Variants in SBNO1 observed in about 807,000 individuals in gnomAD.
SBNO1 encodes protein strawberry notch homolog 1.
Under a neutral mutation model 173.6 loss-of-function variants are expected in SBNO1, and 23 were observed. That is an observed-to-expected ratio of 0.13 (90% CI 0.10 to 0.19). The LOEUF (loss-of-function observed/expected upper bound fraction) is 0.19. Ranked by LOEUF, SBNO1 falls within the 10% of genes least tolerant of loss-of-function variation. The pLI is 1.00. For synonymous variants in SBNO1, 632 were observed against 571.5 expected (o/e 1.11, Z -1.51); for missense variants, 1,238 against 1,671.2 (o/e 0.74, Z 4.52).
intron 2 of SBNO1, among the ~76,000 whole-genome samples, chr12:123,348,741 G>A (rs1310232745): frequency 6.6e-6 from 1 of 152,034 alleles, no homozygotes; most frequent in Non-Finnish European, 1.5e-5. Context: ...ACTCTGGACT[G>A]GGTGACAGAG....
chr12:123,304,795 G>C, intron 28 of SBNO1, 76 bp from the exon 29 acceptor site: 2 of 988,028 alleles, frequency 2.0e-6, no homozygotes, highest in Non-Finnish European at 3.1e-6. Flanking sequence ...CATCACGTCA[G>C]CAAACATAAT....
Position 123,298,183 on chromosome 12 carries a change from G to A in SBNO1, c.3846-12C>T. The A allele has an allele frequency of 6.2e-7, 1 of 1,609,960 alleles. No individual in the cohort carries two copies. The highest frequency in any genetic ancestry group is 8.5e-7 in the Non-Finnish European group (1 of 1,178,980). On this transcript the variant is annotated splice_polypyrimidine_tract_variant and intron_variant, in intron 30 of 31. Coordinates refer to ENST00000602398, the MANE Select transcript of SBNO1 (RefSeq NM_001167856.3). ...TGCAATTGCCGCGCCTAAGAAAAAT[G>A]GGAAAGAAATACATATGAGTGTCTA...
In SBNO1 at chr12:123,292,097, G is replaced by A. The variant is rs1257138370; in HGVS notation, c.*3811C>T. Reference sequence around the variant, plus strand: ...ACGCTTGCTACGTTTCTGCAGCAAAGTGGGCCGAGCGCAGTACGCACAGGT... The same window carrying A: ...ACGCTTGCTACGTTTCTGCAGCAAAATGGGCCGAGCGCAGTACGCACAGGT... On this transcript the variant is annotated 3_prime_UTR_variant, in exon 32 of 32. Coordinates refer to ENST00000602398, the MANE Select transcript of SBNO1 (RefSeq NM_001167856.3). 1 of 150,824 alleles carries A rather than the reference G, an allele frequency of 6.6e-6. No homozygotes were observed. Among genetic ancestry groups the A allele is most frequent in the African/African-American group, 2.4e-5 (1 of 41,040 alleles). The allele number at this position is 150,824 out of a possible 1,614,324, so 9.3% of individuals were successfully genotyped here. A position where few individuals can be genotyped will look rare whatever the true frequency, so the allele number is the denominator to read the frequency against.
chr12:123,311,258 A>T, intron 24 of SBNO1, 129 bp from the exon 25 acceptor site: 1 of 661,122 alleles, frequency 1.5e-6, no homozygotes, highest in Non-Finnish European at 2.7e-6. Flanking sequence ...TTATATAAAC[A>T]TGGAGAAAAT....
intron 1 of SBNO1, 48 bp downstream of exon 1, chr12:123,364,653 C>T (rs1875929882): frequency 3.1e-6 from 3 of 981,458 alleles, no homozygotes; most frequent in Non-Finnish European, 3.6e-6. Context: ...GGGAGGCTGT[C>T]CGGGAGGGGG....
At chr12:123,319,357 TTATTA>T (rs1869691125) in intron 20 of SBNO1, among the ~76,000 whole-genome samples, 1 of 152,214 alleles carries the variant, frequency 6.6e-6, no homozygotes. Flanking sequence ...CACACAATAC[TTATTA>T]TATTCAATGA....
chr12:123,294,293 A>C lies in SBNO1; in HGVS notation c.*1615T>G, dbSNP rs1165884040. 6.6e-6 allele frequency: 1 copy of C among 152,238 alleles called. No homozygotes were observed. Among genetic ancestry groups the C allele is most frequent in the Non-Finnish European group, 1.5e-5 (1 of 68,054 alleles). The allele number at this position is 152,238 out of a possible 1,614,324, so 9.4% of individuals were successfully genotyped here. A position where few individuals can be genotyped will look rare whatever the true frequency, so the allele number is the denominator to read the frequency against. On this transcript the variant is annotated 3_prime_UTR_variant, in exon 32 of 32. Transcript: ENST00000602398. The stretch of plus-strand genomic sequence containing the variant: ...GCTTTCAGCCAGGTTTGTCAGTTTT[A>C]ACACACATCTCACCCAATTCTGCAA...
chr12:123,339,161 G>A (rs1428252483), intron 5 of SBNO1, among the ~76,000 whole-genome samples: 1 of 152,060 alleles, frequency 6.6e-6, no homozygotes, highest in African/African-American at 2.4e-5. Context: ...TTGTTCTCCT[G>A]GTTCCCATTC....
intron 30 of SBNO1, among the ~76,000 whole-genome samples, chr12:123,299,151 A>G (rs919828819): frequency 3.3e-5 from 5 of 152,042 alleles, no homozygotes; most frequent in African/African-American, 7.2e-5. Flanking sequence ...GGCTGATCAC[A>G]AAGTCAGGAG....
At chr12:123,315,717 T>C in intron 21 of SBNO1, 57 bp from the exon 22 acceptor site, 1 of 943,508 alleles carries the variant, frequency 1.1e-6, no homozygotes. Flanking sequence ...CAGAGAATAT[T>C]CTGAGATGTA....
chr12:123,352,820 C>T (rs551404101), intron 1 of SBNO1, among the ~76,000 whole-genome samples: 7 of 151,792 alleles, frequency 4.6e-5, no homozygotes, highest in Middle Eastern at 3.2e-3. Context: ...TTTTTGGAGA[C>T]GGAGTCTAGC....
chr12:123,325,569 C>G lies in SBNO1; in HGVS notation c.1906G>C (p.Glu636Gln). 1 of 1,612,974 alleles carries G rather than the reference C, an allele frequency of 6.2e-7. No homozygotes were observed. Among genetic ancestry groups the G allele is most frequent in the Non-Finnish European group, 8.5e-7 (1 of 1,179,026 alleles). The change falls in exon 15 of 32, where the codon GAA becomes CAA. Residue 636 changes from glutamate (E) to glutamine (Q), a missense_variant. Glu to Gln is a conservative substitution (Grantham distance 29, BLOSUM62 2). Transcript: ENST00000602398. Reference protein sequence around the residue: ...CVVIGLQSTGEARTLEALEEG... With the variant: ...CVVIGLQSTGQARTLEALEEG... ...TCCAAAGCTTCTAATGTTCTAGCTT[C>G]TCCTGTAGACTGCAGACCAATTACA... is the stretch of plus-strand genomic sequence containing the variant.
rs142383675 is a variant in SBNO1, at chr12:123,304,488, G to A, written c.3768+94C>T. 728 of 928,892 alleles carry A rather than the reference G, an allele frequency of 7.8e-4. 5 individuals are homozygous for A. In the African/African-American group the frequency reaches 0.01, roughly 13 times the overall value. The allele number at this position is 928,892 out of a possible 1,614,324, so 57.5% of individuals were successfully genotyped here. On this transcript the variant is annotated intron_variant, in intron 29 of 31. Transcript: ENST00000602398. ...TGACCTCAGGTGATCTGCCCACCTC[G>A]GCCTCCCAAAGTGCTGAGATTACAG...
chr12:123,343,682 T>A (rs10846522), intron 4 of SBNO1, among the ~76,000 whole-genome samples: 9,472 of 151,984 alleles, frequency 0.062, 327 homozygotes, highest in South Asian at 0.11. Flanking sequence ...GAATTACAGG[T>A]GCCCATCATC....
At chr12:123,321,470 T>G (rs1869970002) in intron 17 of SBNO1, 65 bp downstream of exon 17, 1 of 1,167,052 alleles carries the variant, frequency 8.6e-7, no homozygotes, top group Admixed American at 1.8e-5. Flanking sequence ...AAAGGTTTCA[T>G]ATCCCATTTT....
chr12:123,363,943 G>A, intron 1 of SBNO1: 2 of 985,416 alleles, frequency 2.0e-6, no homozygotes, highest in Non-Finnish European at 2.4e-6. Context: ...AACCACTTCT[G>A]GGAAACCACC....
chr12:123,302,274 G>A (rs1412742460), intron 30 of SBNO1, among the ~76,000 whole-genome samples: 1 of 123,618 alleles, frequency 8.1e-6, no homozygotes, highest in African/African-American at 3.1e-5. Context: ...ATGGAGTCTC[G>A]CTCTGTCCCC....
intron 15 of SBNO1, 104 bp downstream of exon 15, chr12:123,325,398 T>C: frequency 2.7e-6 from 2 of 737,214 alleles, no homozygotes; most frequent in South Asian, 1.6e-5. Context: ...TTAAAGATGA[T>C]GCAGGTGAAA....
chr12:123,298,144 C>G lies in SBNO1; in HGVS notation c.3873G>C (p.Leu1291Phe). The G allele has an allele frequency of 1.2e-6, 2 of 1,612,988 alleles. No individual in the cohort carries two copies. The highest frequency in any genetic ancestry group is 2.2e-5 in the South Asian group (2 of 90,730). Reference protein sequence around the residue: ...YWRGNCKKASLGLVCEIGLRC... With the variant: ...YWRGNCKKASFGLVCEIGLRC... ...GAAGACCTATTTCACAAACTAGCCCCAAGCTTGCTTTTTTGCAATTGCCGC... is the reference window on the plus strand; with the variant it reads ...GAAGACCTATTTCACAAACTAGCCCGAAGCTTGCTTTTTTGCAATTGCCGC... Residue 1291 changes from leucine to phenylalanine, a missense_variant, in exon 31 of 32, where the codon TTG (leucine) becomes TTC (phenylalanine). Physicochemically the swap from Leu to Phe is conservative, Grantham distance 22. This residue lies in a region of SBNO1 where 351 missense variants were observed against 420.3 expected (regional missense o/e 0.84). Coordinates refer to ENST00000602398, the MANE Select transcript of SBNO1 (RefSeq NM_001167856.3).
Sources: allele counts gnomAD v4.1 joint callset (sites outside exome capture counted in the v4.1 genomes callset), GRCh38; gene constraint gnomAD v4.1.1; regional missense constraint gnomAD v4.1.1; transcripts MANE v1.5; gene names NCBI Gene and HGNC (gene_info 2026-07-23, HGNC 2026-07-21).